Variants in ZZEF1 observed in about 807,000 individuals in gnomAD.
ZZEF1 encodes the protein zinc finger ZZ-type and EF-hand domain-containing protein 1.
Under a neutral mutation model 342.8 loss-of-function variants are expected in ZZEF1, and 157 were observed. That is an observed-to-expected ratio of 0.46 (90% confidence interval 0.40 to 0.52). The LOEUF is 0.52. ZZEF1 is among the 20% of genes least tolerant of loss of function. The probability of loss-of-function intolerance (pLI) is 0.00; values close to 1 mark genes in which losing one functional copy is unlikely to be tolerated. For missense variants in ZZEF1, 3,480 were observed against 3,725.6 expected (o/e 0.93, Z 1.72); for synonymous variants, 1,505 against 1,429.1 (o/e 1.05, Z -1.20).
intron 25 of ZZEF1, 105 bp downstream of exon 25, chr17:4,072,503 T>C: frequency 1.5e-6 from 2 of 1,378,396 alleles, no homozygotes. Context: ...AGCTAACTGC[T>C]TAATACGGGT....
chr17:4,057,679 C>G (rs752678585), intron 32 of ZZEF1, among the ~76,000 whole-genome samples: 3 of 152,192 alleles, frequency 2.0e-5, no homozygotes, highest in Admixed American at 6.5e-5. Context: ...TCAGAGCTCA[C>G]GAGTTCACCA....
At chr17:4,117,864 T>C (rs2058423717) in intron 2 of ZZEF1, among the ~76,000 whole-genome samples, 1 of 152,088 alleles carries the variant, frequency 6.6e-6, no homozygotes, top group Admixed American at 6.6e-5. Context: ...TATACTAAGA[T>C]ACTAAGACAA....
At chr17:4,051,865 A>G (rs759527771) in intron 35 of ZZEF1, 106 bp downstream of exon 35, 72 of 1,226,186 alleles carry the variant, frequency 5.9e-5, no homozygotes, top group Non-Finnish European at 7.8e-5. Context: ...GGTTATGTTT[A>G]AATTTTTAAA....
intron 30 of ZZEF1, among the ~76,000 whole-genome samples, chr17:4,060,203 G>A (rs1827111430): frequency 6.6e-6 from 1 of 152,166 alleles, no homozygotes; most frequent in African/African-American, 2.4e-5. Context: ...CAACCATAAT[G>A]ATCAAATAAG....
At position 4,142,808 on chromosome 17, in the gene ZZEF1, C is replaced by A; in HGVS notation, c.88G>T (p.Val30Phe). Residue 30 changes from valine to phenylalanine, a missense_variant, in exon 1 of 55, where the codon GTC becomes TTC. Val to Phe is a conservative substitution (Grantham distance 50). Around this residue, in one of 5 missense-constraint regions of ZZEF1, gnomAD observed 416 missense variants for 374.2 expected, o/e 1.11. Coordinates refer to ENST00000381638, the MANE Select transcript of ZZEF1 (RefSeq NM_015113.4). ...GWGPHQDWAA[V>F]SGTTPGPGVA... ...CCCGGGCCGGGGGTCGTGCCCGAGA[C>A]CGCGGCCCAGTCCTGGTGTGGGCCC... 2 of 1,403,202 alleles carry A rather than the reference C, an allele frequency of 1.4e-6. No homozygotes were observed. Among genetic ancestry groups the A allele is most frequent in the Non-Finnish European group, 1.8e-6 (2 of 1,090,566 alleles). 86.9% of individuals were successfully genotyped at this position (1,403,202 alleles called of 1,614,324 possible).
chr17:4,096,777 C>G (rs2058041079), intron 9 of ZZEF1, 77 bp from the exon 10 acceptor site: 1 of 1,187,760 alleles, frequency 8.4e-7, no homozygotes, highest in Non-Finnish European at 1.2e-6. Context: ...CAAAAACAAA[C>G]CATATCCTTT....
At position 4,071,567 on chromosome 17, in the gene ZZEF1, T is replaced by A. The variant is rs1015545115; in HGVS notation, c.3835-643A>T. 25 of 152,314 alleles carry A rather than the reference T, an allele frequency of 1.6e-4. 1 individual carries two copies. 9.4% of individuals were successfully genotyped at this position (152,314 alleles called of 1,614,324 possible). A position where few individuals can be genotyped will look rare whatever the true frequency, so the allele number is the denominator to read the frequency against. On this transcript the variant is annotated intron_variant, in intron 25 of 54. Transcript: ENST00000381638. ...AGGCAGGTGCAAATGAGGGCCCGGA[T>A]AAAGATGCAGACAGAGGAAAGGACA...
intron 26 of ZZEF1, among the ~76,000 whole-genome samples, chr17:4,069,957 A>C (rs913570210): frequency 1.3e-5 from 2 of 152,238 alleles, no homozygotes; most frequent in Non-Finnish European, 2.9e-5. Flanking sequence ...GCGGTTAGGA[A>C]GCCCATGCCT....
intron 13 of ZZEF1, 108 bp downstream of exon 13, chr17:4,088,570 C>G (rs2057884021): frequency 8.5e-7 from 1 of 1,172,014 alleles, no homozygotes; most frequent in Non-Finnish European, 1.2e-6. Context: ...CAATGCCCAT[C>G]CTATTGGCTT....
At position 4,102,364 on chromosome 17, in the gene ZZEF1, T is replaced by C. The variant is rs1228141268; in HGVS notation, c.1625A>G (p.Asp542Gly). 2 of 1,613,992 alleles carry C rather than the reference T, an allele frequency of 1.2e-6. No individual in the cohort carries two copies. Among genetic ancestry groups the C allele is most frequent in the Non-Finnish European group, 1.7e-6 (2 of 1,179,864 alleles). The change falls in exon 9 of 55, where the codon GAT becomes GGT. Residue 542 changes from aspartate (D) to glycine (G), a missense_variant. By Grantham distance (94) the Asp-to-Gly change is moderately conservative. Coordinates refer to ENST00000381638, the MANE Select transcript of ZZEF1 (RefSeq NM_015113.4). ...AAGGAGGTTTTCGGGTCCAGACTTA[T>C]CTTCTTTTCCTTTGACATCACATGC... ...LQACDVKGKE[D>G]KSGPENLLVE... is the part of the protein sequence containing the mutation.
intron 2 of ZZEF1, among the ~76,000 whole-genome samples, 172 bp downstream of exon 2, chr17:4,123,735 C>T (rs566822771): frequency 6.6e-6 from 1 of 152,224 alleles, no homozygotes; most frequent in South Asian, 2.1e-4. Flanking sequence ...GCTTAGCCAC[C>T]ACCGTACTGG....
At chr17:4,025,225 A>C in intron 42 of ZZEF1, 107 bp from the exon 43 acceptor site, 1 of 1,090,890 alleles carries the variant, frequency 9.2e-7, no homozygotes, top group Non-Finnish European at 1.3e-6. Flanking sequence ...GGGACTGCAG[A>C]AACATAAATC....
intron 2 of ZZEF1, among the ~76,000 whole-genome samples, 169 bp downstream of exon 2, chr17:4,123,738 C>G (rs1003544151): frequency 6.6e-6 from 1 of 152,030 alleles, no homozygotes; most frequent in Non-Finnish European, 1.5e-5. Flanking sequence ...TAGCCACCAC[C>G]GTACTGGGGA....
chr17:4,118,014 T>C (rs1457484115), intron 2 of ZZEF1, among the ~76,000 whole-genome samples: 1 of 152,124 alleles, frequency 6.6e-6, no homozygotes, highest in Admixed American at 6.6e-5. Flanking sequence ...CTATCCTTTT[T>C]AACAACTGAG....
chr17:4,050,914 G>A lies in ZZEF1; in HGVS notation c.5730C>T (p.Ser1910=), dbSNP rs919819306. 29 of 1,614,086 alleles carry A rather than the reference G, an allele frequency of 1.8e-5. No individual in the cohort carries two copies. Among genetic ancestry groups the A allele is most frequent in the Non-Finnish European group, 2.3e-5 (27 of 1,180,044 alleles). The change falls in exon 36 of 55, where the codon AGC becomes AGT. Residue 1910 remains serine, a synonymous_variant. Transcript: ENST00000381638. ...CATCCTCTGCACTGGCCAGGTGGGCGCTATAGAGAGCCAGGGCAGCAAAGA... is the reference window on the plus strand; with the variant it reads ...CATCCTCTGCACTGGCCAGGTGGGCACTATAGAGAGCCAGGGCAGCAAAGA... ...WLLFAALALY[S]AHLASAEDVD...
intron 9 of ZZEF1, among the ~76,000 whole-genome samples, chr17:4,097,186 G>A (rs148866457): frequency 1.4e-4 from 22 of 151,728 alleles, no homozygotes; most frequent in African/African-American, 4.8e-4. Context: ...GCGTGAACCC[G>A]GGAGGCGGAG....
chr17:4,024,960 C>A lies in ZZEF1; in HGVS notation c.7051G>T (p.Val2351Phe), dbSNP rs781574088. 3 of 1,614,168 alleles carry A rather than the reference C, an allele frequency of 1.9e-6. No individual in the cohort carries two copies. Among genetic ancestry groups the A allele is most frequent in the Non-Finnish European group, 2.5e-6 (3 of 1,180,032 alleles). ...AATCCTTTCAGGGCCAGGGACAGGA[C>A]CCAAGTTGCTTCTACTGCCTCGGGA... is the stretch of plus-strand genomic sequence containing the variant. The part of the protein sequence containing the change: ...HCPEAVEATW[V>F]LSLALKGLYK... Residue 2351 changes from valine to phenylalanine, a missense_variant, in exon 43 of 55, where the codon GTC (valine) becomes TTC (phenylalanine). Coordinates refer to ENST00000381638, the MANE Select transcript of ZZEF1 (RefSeq NM_015113.4).
intron 1 of ZZEF1, among the ~76,000 whole-genome samples, chr17:4,124,427 C>T (rs2058540879): frequency 6.6e-6 from 1 of 152,044 alleles, no homozygotes; most frequent in South Asian, 2.1e-4. Flanking sequence ...AATAGCACCT[C>T]GACTTTAGCT....
intron 2 of ZZEF1, among the ~76,000 whole-genome samples, chr17:4,121,775 T>G (rs2058487407): frequency 6.7e-6 from 1 of 150,222 alleles, no homozygotes; most frequent in Admixed American, 6.7e-5. Flanking sequence ...AGGGATGGAG[T>G]ACAGTGGCGT....
Sources: gnomAD v4.1 joint callset for allele counts (sites outside exome capture counted in the v4.1 genomes callset) on GRCh38, gnomAD v4.1.1 for gene constraint, gnomAD v4.1.1 regional missense constraint, MANE v1.5 for transcripts, NCBI Gene and HGNC (gene_info 2026-07-23, HGNC 2026-07-21) for gene names.